Variants in EHHADH observed in about 807,000 individuals in gnomAD.
The protein encoded by EHHADH is enoyl-CoA hydratase and 3-hydroxyacyl CoA dehydrogenase.
EHHADH carries 48 observed loss-of-function variants against 64.4 expected under a neutral mutation model. The observed-to-expected ratio is 0.75, with a 90% CI of 0.59 to 0.95. EHHADH has a LOEUF of 0.95. EHHADH is among the 40% of genes least tolerant of loss of function. EHHADH has a pLI of 0.00. For synonymous variants in EHHADH, 308 were observed against 326.7 expected, an observed-to-expected ratio of 0.94 and a Z score of 0.62; for missense variants, 854 against 876.6, an observed-to-expected ratio of 0.97 and a Z score of 0.33.
At chr3:185,238,080 A>G (rs1291240673) in intron 2 of EHHADH, among the ~76,000 whole-genome samples, 1 of 152,150 alleles carries the variant, frequency 6.6e-6, no homozygotes, top group Non-Finnish European at 1.5e-5. Flanking sequence ...TACTTAGGAT[A>G]ATGGCCTAAG....
chr3:185,232,728 G>T (rs376642675), intron 3 of EHHADH, among the ~76,000 whole-genome samples: 1 of 152,172 alleles, frequency 6.6e-6, no homozygotes, highest in Non-Finnish European at 1.5e-5. Flanking sequence ...GATTACAGGC[G>T]TGAGCCACTG....
intron 2 of EHHADH, chr3:185,246,302 T>C (rs1251907564): frequency 7.7e-6 from 6 of 778,080 alleles, no homozygotes; most frequent in Admixed American, 5.6e-5. Flanking sequence ...TGTCCTCAGT[T>C]GGCTCTGGCT....
At chr3:185,247,365 C>T (rs903107046) in intron 2 of EHHADH, among the ~76,000 whole-genome samples, 7 of 152,060 alleles carry the variant, frequency 4.6e-5, no homozygotes, top group Admixed American at 6.6e-5. Context: ...CATGCATCAT[C>T]GTCATCATCT....
chr3:185,227,562 A>G (rs892730310), intron 4 of EHHADH, among the ~76,000 whole-genome samples: 70 of 151,994 alleles, frequency 4.6e-4, no homozygotes, highest in African/African-American at 1.6e-3. Flanking sequence ...CCAGTGGCTC[A>G]CACCTGTAAT....
chr3:185,223,648 T>A (rs1408006250), intron 4 of EHHADH, among the ~76,000 whole-genome samples: 1 of 152,162 alleles, frequency 6.6e-6, no homozygotes, highest in Non-Finnish European at 1.5e-5. Context: ...AGGATAAAGA[T>A]GTTACTCCCA....
In EHHADH at chr3:185,193,478, G is replaced by T. The variant is rs1717972796; in HGVS notation, c.920C>A (p.Thr307Lys). Reference sequence around the variant, plus strand: ...AGAAATGACAATGCCTCGGCCCATTGTTCCCAAGCCTGCAGATAAAAATCA... The same window carrying T: ...AGAAATGACAATGCCTCGGCCCATTTTTCCCAAGCCTGCAGATAAAAATCA... ...VSSVGVVGLG[T>K]MGRGIVISFA... is the part of the protein sequence containing the mutation. Residue 307 changes from threonine (T) to lysine (K), a missense_variant, in exon 7 of 7, where the codon ACA becomes AAA. Physicochemically the swap from Thr to Lys is moderately conservative, Grantham distance 78 (BLOSUM62 -1). Coordinates refer to ENST00000231887, the MANE Select transcript of EHHADH (RefSeq NM_001966.4). 6.2e-7 allele frequency: 1 copy of T among 1,613,596 alleles called. No homozygotes were observed. The highest frequency in any genetic ancestry group is 1.3e-5 in the African/African-American group (1 of 74,878).
intron 6 of EHHADH, among the ~76,000 whole-genome samples, chr3:185,204,182 G>A: frequency 6.7e-6 from 1 of 149,340 alleles, no homozygotes. Context: ...CCAGTCTGGA[G>A]TCAGACCTAG....
intron 3 of EHHADH, among the ~76,000 whole-genome samples, chr3:185,234,968 G>C (rs1414814831): frequency 6.6e-6 from 1 of 152,106 alleles, no homozygotes; most frequent in Non-Finnish European, 1.5e-5. Context: ...GGTCACCTGA[G>C]GTCAGGAGTT....
At chr3:185,209,754 A>T (rs911684652) in intron 5 of EHHADH, among the ~76,000 whole-genome samples, 2 of 152,236 alleles carry the variant, frequency 1.3e-5, no homozygotes, top group Admixed American at 1.3e-4. Flanking sequence ...TTGATTAGTA[A>T]GTAGTGTTGG....
At chr3:185,239,044 T>C (rs192636397) in intron 2 of EHHADH, among the ~76,000 whole-genome samples, 2 of 152,278 alleles carry the variant, frequency 1.3e-5, no homozygotes, top group Admixed American at 6.5e-5. Flanking sequence ...GAACAGCATA[T>C]CCTTTCCCAT....
intron 6 of EHHADH, among the ~76,000 whole-genome samples, chr3:185,201,261 G>A (rs1718214441): frequency 6.6e-6 from 1 of 152,188 alleles, no homozygotes; most frequent in Non-Finnish European, 1.5e-5. Context: ...ATTGTCCATA[G>A]AGACGATGAG....
At chr3:185,232,306 A>C (rs4687157) in intron 3 of EHHADH, among the ~76,000 whole-genome samples, 100,146 of 151,992 alleles carry the variant, frequency 0.66, 35,257 homozygotes, top group Non-Finnish European at 0.79. Flanking sequence ...GGTTGTGGTA[A>C]GAGGGACACA....
At chr3:185,197,005 GAA>G (rs567350679) in intron 6 of EHHADH, among the ~76,000 whole-genome samples, 7 of 118,352 alleles carry the variant, frequency 5.9e-5, no homozygotes, top group African/African-American at 1.5e-4. Context: ...CCATCTTGAA[GAA>G]AAAAAAAAAA....
Position 185,196,816 on chromosome 3 carries a change from A to G in EHHADH, c.911-3329T>C, listed in dbSNP as rs76056038. On this transcript the variant is annotated intron_variant, in intron 6 of 6. Transcript: ENST00000231887. ...CAGGAGTTCAAGACCAGCCTGGCCA[A>G]CACGGCAAAATCCTGTTTCTACCAG... Among the ~76,000 whole-genome samples the G allele has an allele frequency of 2.6e-3, 392 of 152,294 alleles. 2 individuals are homozygous for G. Among genetic ancestry groups the G allele is most frequent in the African/African-American group, 9.0e-3 (374 of 41,562 alleles).
intron 1 of EHHADH, among the ~76,000 whole-genome samples, chr3:185,250,416 A>AGCTTT (rs1719714519): frequency 6.6e-6 from 1 of 152,206 alleles, no homozygotes; most frequent in African/African-American, 2.4e-5. Context: ...AAAGACCAAG[A>AGCTTT]GAGAAAATTT....
rs1717856024 is a variant in EHHADH at position 185,191,197 on chromosome 3, A to G, written c.*1029T>C. ...GGTCTCAAATTTCTGGCCTCAAACAATCCTCCTGCCTCAGCCTCCCAAAGT... is the reference window on the plus strand; with the variant it reads ...GGTCTCAAATTTCTGGCCTCAAACAGTCCTCCTGCCTCAGCCTCCCAAAGT... On this transcript the variant is annotated 3_prime_UTR_variant, in exon 7 of 7. Coordinates refer to ENST00000231887, the MANE Select transcript of EHHADH (RefSeq NM_001966.4). 1 of 152,264 alleles carries G rather than the reference A, an allele frequency of 6.6e-6. No homozygotes were observed. Among genetic ancestry groups the G allele is most frequent in the South Asian group, 2.1e-4 (1 of 4,832 alleles). The allele number at this position is 152,264 out of a possible 1,614,324, so 9.4% of individuals were successfully genotyped here. A position where few individuals can be genotyped will look rare whatever the true frequency, so the allele number is the denominator to read the frequency against.
chr3:185,226,716 C>T (rs1242412586), intron 4 of EHHADH: 2 of 151,450 alleles, frequency 1.3e-5, no homozygotes, highest in African/African-American at 2.4e-5. Context: ...GCCCTAGTCA[C>T]AGTGTCTTGA....
chr3:185,211,959 G>A (rs1292047010), intron 5 of EHHADH, among the ~76,000 whole-genome samples: 1 of 152,180 alleles, frequency 6.6e-6, no homozygotes, highest in Non-Finnish European at 1.5e-5. Context: ...AACAGGACCA[G>A]GGTTCATTAC....
At chr3:185,207,029 T>C (rs1718415962) in intron 5 of EHHADH, among the ~76,000 whole-genome samples, 1 of 152,096 alleles carries the variant, frequency 6.6e-6, no homozygotes, top group Admixed American at 6.5e-5. Flanking sequence ...AGCCCACGCC[T>C]GTAATTCCAG....
Sources: gnomAD v4.1 joint callset for allele counts (sites outside exome capture counted in the v4.1 genomes callset) on GRCh38, gnomAD v4.1.1 for gene constraint, MANE v1.5 for transcripts, NCBI Gene and HGNC (gene_info 2026-07-23, HGNC 2026-07-21) for gene names.